Variants in ZBBX observed in about 807,000 individuals in gnomAD.
ZBBX encodes the protein zinc finger B-box domain containing.
Under a neutral mutation model 108.5 loss-of-function variants are expected in ZBBX, and 101 were observed. That is an observed-to-expected ratio of 0.93 (90% CI 0.79 to 1.10). The LOEUF (loss-of-function observed/expected upper bound fraction) is 1.10, where lower values mean the gene tolerates loss of function less well. Among genes scored for constraint, ZBBX ranks in the 50% least tolerant of loss-of-function variants. The probability of loss-of-function intolerance (pLI) is 0.00; values close to 1 mark genes in which losing one functional copy is unlikely to be tolerated. For missense variants in ZBBX, 1,009 were observed against 941.4 expected, an observed-to-expected ratio of 1.07 and a Z score of -0.94; for synonymous variants, 356 against 323.4, an observed-to-expected ratio of 1.10 and a Z score of -1.08.
chr3:167,330,672 G>C (rs536716657), intron 10 of ZBBX, among the ~76,000 whole-genome samples: 1 of 149,012 alleles, frequency 6.7e-6, no homozygotes, highest in South Asian at 2.1e-4. Context: ...TGGAAGGAAT[G>C]TTTGAGCATG....
chr3:167,222,507 T>C, the ZBBX span, among the ~76,000 whole-genome samples: 12 of 151,856 alleles, frequency 7.9e-5, no homozygotes, highest in African/African-American at 2.2e-4. Context: ...ATCTAGTATT[T>C]GATAGCACAG....
the ZBBX span, among the ~76,000 whole-genome samples, chr3:167,204,987 T>A: frequency 6.7e-6 from 1 of 149,890 alleles, no homozygotes; most frequent in African/African-American, 2.5e-5. Context: ...ATGGAGAAGA[T>A]GAGAAGAGAA....
At chr3:167,273,190 T>C (rs1253925848) in intron 20 of ZBBX, among the ~76,000 whole-genome samples, 3 of 152,202 alleles carry the variant, frequency 2.0e-5, no homozygotes, top group Non-Finnish European at 4.4e-5. Flanking sequence ...ATTGTAGCAG[T>C]AGATGGTCTA....
intron 20 of ZBBX, among the ~76,000 whole-genome samples, chr3:167,279,482 G>T (rs1420019143): frequency 6.6e-6 from 1 of 151,408 alleles, no homozygotes; most frequent in East Asian, 1.9e-4. Flanking sequence ...AATCATGAGT[G>T]AACTCCCATT....
intron 11 of ZBBX, among the ~76,000 whole-genome samples, chr3:167,325,056 C>T (rs1398166209): frequency 6.6e-6 from 1 of 152,114 alleles, no homozygotes; most frequent in African/African-American, 2.4e-5. Context: ...GCGAGTACAT[C>T]TACATTGATA....
chr3:167,183,857 C>T, the ZBBX span, among the ~76,000 whole-genome samples: 4 of 152,084 alleles, frequency 2.6e-5, no homozygotes, highest in Non-Finnish European at 4.4e-5. Flanking sequence ...TTTTTTATGG[C>T]CAGATTTGGG....
At chr3:167,357,614 C>T (rs1327874792) in intron 8 of ZBBX, among the ~76,000 whole-genome samples, 1 of 152,048 alleles carries the variant, frequency 6.6e-6, no homozygotes, top group Non-Finnish European at 1.5e-5. Context: ...CAAGTGTCCA[C>T]TAATGGATGA....
chr3:167,198,624 T>C, the ZBBX span, among the ~76,000 whole-genome samples: 1 of 152,156 alleles, frequency 6.6e-6, no homozygotes, highest in East Asian at 1.9e-4. Context: ...TTGTGACAAA[T>C]TTCCAGTCAA....
At chr3:167,211,299 T>C in the ZBBX span, among the ~76,000 whole-genome samples, 2,036 of 152,296 alleles carry the variant, frequency 0.013, 21 homozygotes, top group South Asian at 0.026. Flanking sequence ...TTTATTCAGC[T>C]TGACAGACAG....
the ZBBX span, among the ~76,000 whole-genome samples, chr3:167,219,871 T>C: frequency 6.6e-6 from 1 of 151,826 alleles, no homozygotes; most frequent in East Asian, 1.9e-4. Context: ...CCAGACTAAC[T>C]AAAGGAAAGA....
chr3:167,290,063 G>A (rs1730411583), intron 18 of ZBBX, among the ~76,000 whole-genome samples: 1 of 152,152 alleles, frequency 6.6e-6, no homozygotes, highest in Non-Finnish European at 1.5e-5. Context: ...AAAGGCAGAA[G>A]CCCCAGCCAC....
intron 19 of ZBBX, among the ~76,000 whole-genome samples, chr3:167,283,218 T>C (rs551643416): frequency 6.6e-6 from 1 of 152,260 alleles, no homozygotes; most frequent in East Asian, 1.9e-4. Flanking sequence ...GTTTGCTCCT[T>C]TAACAGTAGG....
the ZBBX span, among the ~76,000 whole-genome samples, chr3:167,217,531 A>G: frequency 1.3e-5 from 2 of 152,168 alleles, no homozygotes; most frequent in Admixed American, 1.3e-4. Context: ...AAATTAGTTC[A>G]ATCTTTGTGA....
At position 167,328,490 on chromosome 3, in the gene ZBBX, T is replaced by G. The variant is rs1045376316; in HGVS notation, c.688-374A>C. Reference sequence around the variant, plus strand: ...ACCTTCTCATATCAAAAAAACAGGGTTTTTTTTTAATGTAAATCTGATCAG... The same window carrying G: ...ACCTTCTCATATCAAAAAAACAGGGGTTTTTTTTAATGTAAATCTGATCAG... On this transcript the variant is annotated intron_variant, in intron 10 of 21. Coordinates refer to ENST00000675490, the MANE Select transcript of ZBBX (RefSeq NM_001199201.2). 5.4e-5 allele frequency among the ~76,000 whole-genome samples: 8 copies of G among 148,612 alleles called. 1 individual carries two copies. Among genetic ancestry groups the G allele is most frequent in the East Asian group, 1.9e-4 (1 of 5,152 alleles).
intron 12 of ZBBX, 56 bp downstream of exon 12, chr3:167,322,057 CAAGA>C: frequency 6.7e-6 from 7 of 1,037,722 alleles, no homozygotes; most frequent in Non-Finnish European, 9.1e-6. Context: ...GCATGTCATA[CAAGA>C]AAGAAACATA....
intron 19 of ZBBX, among the ~76,000 whole-genome samples, chr3:167,285,374 T>G (rs1729519811): frequency 6.6e-6 from 1 of 152,162 alleles, no homozygotes; most frequent in African/African-American, 2.4e-5. Context: ...AAGGACCCAG[T>G]ATTTTGATCT....
intron 21 of ZBBX, 116 bp from the exon 22 acceptor site, chr3:167,241,035 G>A (rs1401573918): frequency 4.9e-6 from 6 of 1,225,464 alleles, no homozygotes; most frequent in Admixed American, 2.3e-5. Context: ...AGATGTGAGG[G>A]AGCTGTATCA....
the ZBBX span, among the ~76,000 whole-genome samples, chr3:167,228,630 T>C: frequency 1.3e-5 from 2 of 151,832 alleles, no homozygotes; most frequent in African/African-American, 2.4e-5. Context: ...GAACCACTAA[T>C]CCTTTGTGTA....
the ZBBX span, among the ~76,000 whole-genome samples, chr3:167,219,332 T>C: frequency 6.6e-6 from 1 of 152,002 alleles, no homozygotes; most frequent in Non-Finnish European, 1.5e-5. Context: ...AGAATACAGA[T>C]TCTACTACCA....
Sources: gnomAD v4.1 joint callset for allele counts (sites outside exome capture counted in the v4.1 genomes callset) on GRCh38, gnomAD v4.1.1 for gene constraint, MANE v1.5 for transcripts, NCBI Gene and HGNC (gene_info 2026-07-23, HGNC 2026-07-21) for gene names.